NTN1: variants seen among roughly 807,000 people sequenced by gnomAD.
NTN1 encodes netrin 1, also known as netrin-1.
Under a neutral mutation model 54.2 loss-of-function variants are expected in NTN1, and 11 were observed. The observed-to-expected ratio is 0.20, with a 90% confidence interval of 0.13 to 0.34. NTN1 has a LOEUF of 0.34. Among genes scored for constraint, NTN1 ranks in the 10% least tolerant of loss-of-function variants. The pLI is 1.00. For missense variants in NTN1, 740 were observed against 893.1 expected (o/e 0.83, Z 2.18); for synonymous variants, 371 against 382.0 (o/e 0.97, Z 0.33).
At chr17:9,163,132 T>C (rs1303820027) in intron 3 of NTN1, 131 bp downstream of exon 3, 13 of 783,542 alleles carry the variant, frequency 1.7e-5, no homozygotes, top group Non-Finnish European at 2.4e-5. Flanking sequence ...CATCTCTCTC[T>C]CTTTCTCTCT....
At chr17:9,142,052 G>A (rs112457730) in intron 2 of NTN1, among the ~76,000 whole-genome samples, 13,441 of 152,196 alleles carry the variant, frequency 0.088, 825 homozygotes, top group Non-Finnish European at 0.13. Context: ...GCATGAACCC[G>A]GGAGGCGGAG....
In NTN1 at chr17:9,219,065, G is replaced by C. The variant is rs1249898842; in HGVS notation, c.1412-2103G>C. Among the ~76,000 whole-genome samples the C allele has an allele frequency of 6.6e-6, 1 of 152,174 alleles. No homozygotes were observed. The highest frequency in any genetic ancestry group is 1.9e-4 in the East Asian group (1 of 5,192). ...CTCACGCAGAATCGCCAGGACTTAC[G>C]CACAACCTGGGTTCAGCCCCAGCAG... On this transcript the variant is annotated intron_variant, in intron 5 of 6. Transcript: ENST00000173229. This position sits in a 1 kb window ranked among gnomAD's most constrained non-coding sequence, Gnocchi z 4.5.
chr17:9,051,606 T>C (rs2091960559), intron 2 of NTN1, among the ~76,000 whole-genome samples: 1 of 152,248 alleles, frequency 6.6e-6, no homozygotes, highest in South Asian at 2.1e-4. Flanking sequence ...CATGAAGTTT[T>C]GCTATACATA....
At chr17:9,005,670 T>A in the NTN1 span, among the ~76,000 whole-genome samples, 1 of 152,230 alleles carries the variant, frequency 6.6e-6, no homozygotes, top group Admixed American at 6.5e-5. Context: ...ACATATGATC[T>A]GCAGAACAGT....
chr17:9,139,548 T>C lies in NTN1; in HGVS notation c.1019-23265T>C, dbSNP rs1010284410. On this transcript the variant is annotated intron_variant, in intron 2 of 6. Transcript: ENST00000173229. ...CTCCAGTTTTCCAATGATTTCCTCATCATCTCCAGAAACTCAGTTAATATA... is the reference window on the plus strand; with the variant it reads ...CTCCAGTTTTCCAATGATTTCCTCACCATCTCCAGAAACTCAGTTAATATA... Among the ~76,000 whole-genome samples the C allele has an allele frequency of 2.0e-5, 3 of 152,242 alleles. No homozygotes were observed. In the East Asian group the frequency reaches 5.8e-4, roughly 29 times the overall value.
At chr17:9,126,012 G>C (rs1479266188) in intron 2 of NTN1, among the ~76,000 whole-genome samples, 1 of 152,244 alleles carries the variant, frequency 6.6e-6, no homozygotes, top group African/African-American at 2.4e-5. Flanking sequence ...AGCTGACAAG[G>C]GGCAGGGCCA....
At chr17:9,144,702 G>T (rs943747441) in intron 2 of NTN1, among the ~76,000 whole-genome samples, 8 of 152,250 alleles carry the variant, frequency 5.3e-5, no homozygotes, top group South Asian at 4.1e-4. Context: ...GCTGGAACAG[G>T]CCCCCTCTTA....
chr17:9,159,567 C>G (rs991389555), intron 2 of NTN1, among the ~76,000 whole-genome samples: 17 of 152,078 alleles, frequency 1.1e-4, no homozygotes, highest in African/African-American at 4.1e-4. Flanking sequence ...TTTGGGAGAC[C>G]GAGGTGGGTG....
intron 5 of NTN1, among the ~76,000 whole-genome samples, chr17:9,184,172 A>G (rs2092426701): frequency 6.6e-6 from 1 of 152,218 alleles, no homozygotes; most frequent in Non-Finnish European, 1.5e-5. Context: ...GCACTTGCAC[A>G]GGCATGGTCC....
intron 2 of NTN1, among the ~76,000 whole-genome samples, chr17:9,143,448 T>C (rs1597504214): frequency 6.7e-6 from 1 of 149,076 alleles, no homozygotes. Flanking sequence ...CCAGGCAGCC[T>C]GCCCCTTCTC....
intron 2 of NTN1, among the ~76,000 whole-genome samples, chr17:9,091,994 G>A (rs569010722): frequency 5.9e-5 from 9 of 151,958 alleles, no homozygotes; most frequent in Admixed American, 2.6e-4. Context: ...GGGTTCAAGC[G>A]ATTCTCCTGC....
chr17:9,011,215 A>T, the NTN1 span, among the ~76,000 whole-genome samples: 11 of 152,278 alleles, frequency 7.2e-5, no homozygotes, highest in African/African-American at 2.4e-4. Context: ...CAAGCTGCTC[A>T]TGTCCTGCTG....
chr17:9,137,709 G>A lies in NTN1; in HGVS notation c.1019-25104G>A, dbSNP rs573516424. Among the ~76,000 whole-genome samples, 520 of 152,080 alleles carry A rather than the reference G, an allele frequency of 3.4e-3. 5 individuals are homozygous for A. Among genetic ancestry groups the A allele is most frequent in the African/African-American group, 0.011 (469 of 41,466 alleles). On this transcript the variant is annotated intron_variant, in intron 2 of 6. Transcript: ENST00000173229. ...CTTGGGAGGCTGAGGCAGGAGAATC[G>A]CTTGAACCTGGGAGGTGGAGGTTTC...
At chr17:9,229,546 G>A (rs1228485820) in intron 6 of NTN1, among the ~76,000 whole-genome samples, 14 of 152,140 alleles carry the variant, frequency 9.2e-5, no homozygotes, top group East Asian at 5.8e-4. Context: ...GAGTAGGCGC[G>A]GCAGTCCTTT....
intron 2 of NTN1, among the ~76,000 whole-genome samples, chr17:9,132,634 G>A (rs570565646): frequency 1.3e-5 from 2 of 152,168 alleles, no homozygotes; most frequent in Admixed American, 6.5e-5. Flanking sequence ...CACCACTTTG[G>A]GGGGCTGAGG....
the NTN1 span, among the ~76,000 whole-genome samples, chr17:9,015,426 T>A: frequency 2.0e-5 from 3 of 151,874 alleles, no homozygotes; most frequent in Non-Finnish European, 2.9e-5. Context: ...ATAATAATAA[T>A]AAATACAATT....
intron 2 of NTN1, among the ~76,000 whole-genome samples, chr17:9,091,517 G>A (rs908084334): frequency 3.4e-5 from 5 of 146,048 alleles, no homozygotes; most frequent in African/African-American, 1.0e-4. Flanking sequence ...GCAATGGCAC[G>A]ATCTCGGCTC....
Position 9,164,007 on chromosome 17 carries a change from A to C in NTN1, c.1207+1006A>C, listed in dbSNP as rs556885332. ...GTCCCAAGCCACGGCAGACAGGCCC[A>C]GGTGGCGTCCTGCAGGAGAGAAACC... On this transcript the variant is annotated intron_variant, in intron 3 of 6. Coordinates refer to ENST00000173229, the MANE Select transcript of NTN1 (RefSeq NM_004822.3). Among the ~76,000 whole-genome samples, 81 of 152,394 alleles carry C rather than the reference A, an allele frequency of 5.3e-4. 1 individual carries two copies. The highest frequency in any genetic ancestry group is 9.6e-4 in the Non-Finnish European group (65 of 68,042).
At chr17:9,008,455 G>T in the NTN1 span, among the ~76,000 whole-genome samples, 1 of 151,950 alleles carries the variant, frequency 6.6e-6, no homozygotes, top group Non-Finnish European at 1.5e-5. Context: ...CAGTAGCTGG[G>T]GTTACAGGCA....
Sources: allele counts gnomAD v4.1 joint callset (sites outside exome capture counted in the v4.1 genomes callset), GRCh38; gene constraint gnomAD v4.1.1; non-coding constraint Gnocchi (gnomAD v3.1); transcripts MANE v1.5; gene names NCBI Gene and HGNC (gene_info 2026-07-23, HGNC 2026-07-21).